COL18A1: variants seen among roughly 807,000 people sequenced by gnomAD.
COL18A1 encodes collagen alpha-1(XVIII) chain.
In COL18A1, 133 loss-of-function variants were observed where a neutral mutation model predicts 168.0. That is an observed-to-expected ratio of 0.79 (90% CI 0.69 to 0.91). COL18A1 has a LOEUF of 0.91. COL18A1 is among the 40% of genes least tolerant of loss of function. The probability of loss-of-function intolerance (pLI) is 0.00; values close to 1 mark genes in which losing one functional copy is unlikely to be tolerated. For missense variants in COL18A1, 2,126 were observed against 1,925.4 expected, an observed-to-expected ratio of 1.10 and a Z score of -1.95; for synonymous variants, 949 against 809.0, an observed-to-expected ratio of 1.17 and a Z score of -2.94.
intron 2 of COL18A1, among the ~76,000 whole-genome samples, chr21:45,415,336 A>C (rs954066545): frequency 6.6e-6 from 1 of 152,222 alleles, no homozygotes; most frequent in Non-Finnish European, 1.5e-5. Flanking sequence ...GGAGACTTAA[A>C]GATGAGTCCT....
At chr21:45,484,651 CTT>C (rs1317693367) in intron 15 of COL18A1, among the ~76,000 whole-genome samples, 2 of 148,474 alleles carry the variant, frequency 1.3e-5, no homozygotes, top group African/African-American at 4.9e-5. Context: ...ACACGCATCT[CTT>C]ATGTGCACAT....
At chr21:45,435,305 G>A (rs1369934450) in intron 2 of COL18A1, among the ~76,000 whole-genome samples, 1 of 127,452 alleles carries the variant, frequency 7.8e-6, no homozygotes, top group Non-Finnish European at 1.7e-5. Context: ...GGAAGGTGGG[G>A]TGGGGGTGGG....
At position 45,495,060 on chromosome 21, in the gene COL18A1, C is replaced by G. The variant is rs866681794; in HGVS notation, c.2433+145C>G. On this transcript the variant is annotated intron_variant, in intron 28 of 41. Transcript: ENST00000651438. ...CCCCCAAGAACCGGCCCTGCCTGAG[C>G]GCAGCTCTTGTCCTGGATGTGGCTG... The G allele has an allele frequency of 3.9e-6, 3 of 760,386 alleles. No individual in the cohort carries two copies. The East Asian group carries it at 8.1e-5, about 20-fold the overall frequency. The allele number at this position is 760,386 out of a possible 1,614,324, so 47.1% of individuals were successfully genotyped here.
intron 27 of COL18A1, 47 bp downstream of exon 27, chr21:45,494,618 C>A (rs748155225): frequency 6.2e-7 from 1 of 1,611,502 alleles, no homozygotes; most frequent in South Asian, 1.1e-5. Context: ...GGCATGACGG[C>A]CCCCAAGGAC....
At position 45,443,835 on chromosome 21, in the gene COL18A1, C is replaced by T. The variant is rs1262205924; in HGVS notation, c.107-24407C>T. Among the ~76,000 whole-genome samples the T allele has an allele frequency of 6.6e-6, 1 of 152,214 alleles. No homozygotes were observed. The highest frequency in any genetic ancestry group is 2.4e-5 in the African/African-American group (1 of 41,444). On this transcript the variant is annotated intron_variant, in intron 2 of 41. Transcript: ENST00000651438. The surrounding 1 kb of genome is among the most constrained non-coding windows in gnomAD (Gnocchi z 5.2). Reference sequence around the variant, plus strand: ...CTGCAGCACTAAGGAGAGATGCCTGCTGCATGATCCCCTAGATGCGTCCGA... The same window carrying T: ...CTGCAGCACTAAGGAGAGATGCCTGTTGCATGATCCCCTAGATGCGTCCGA...
intron 5 of COL18A1, 72 bp downstream of exon 5, chr21:45,475,607 C>A: frequency 7.7e-7 from 1 of 1,293,128 alleles, no homozygotes; most frequent in Non-Finnish European, 1.1e-6. Flanking sequence ...TGGGGTGACA[C>A]ATGTGCACAC....
At chr21:45,439,303 C>T (rs765051890) in intron 2 of COL18A1, among the ~76,000 whole-genome samples, 1 of 152,210 alleles carries the variant, frequency 6.6e-6, no homozygotes, top group Non-Finnish European at 1.5e-5. Context: ...GCGCGGAGGG[C>T]GCAGCGCGTT....
intron 18 of COL18A1, among the ~76,000 whole-genome samples, chr21:45,489,282 C>CCCGG (rs2036218005): frequency 6.6e-6 from 1 of 152,230 alleles, no homozygotes; most frequent in African/African-American, 2.4e-5. Flanking sequence ...CCGCAGCCGT[C>CCCGG]CCGGCCGGGT....
intron 2 of COL18A1, among the ~76,000 whole-genome samples, chr21:45,452,968 GTA>G (rs1417754074): frequency 2.6e-5 from 4 of 151,964 alleles, no homozygotes; most frequent in African/African-American, 4.8e-5. Flanking sequence ...GTGACCTTGT[GTA>G]TGCATGAGTA....
At chr21:45,488,474 G>A in intron 18 of COL18A1, 30 bp downstream of exon 18, 2 of 1,613,836 alleles carry the variant, frequency 1.2e-6, no homozygotes, top group Non-Finnish European at 1.7e-6. Flanking sequence ...GGGTTTCTGT[G>A]GTTGCTGGCT....
chr21:45,496,223 C>T (rs2036538864), intron 29 of COL18A1: 1 of 648,996 alleles, frequency 1.5e-6, no homozygotes, highest in Admixed American at 2.1e-5. Context: ...GGGGCATTTT[C>T]AGTCACCTTT....
At chr21:45,448,048 TC>T (rs2034541057) in intron 2 of COL18A1, among the ~76,000 whole-genome samples, 1 of 152,162 alleles carries the variant, frequency 6.6e-6, no homozygotes, top group African/African-American at 2.4e-5. Flanking sequence ...AAGCATTTCT[TC>T]CCACCCTCTG....
At chr21:45,413,799 G>T (rs2033367364) in intron 2 of COL18A1, among the ~76,000 whole-genome samples, 1 of 152,228 alleles carries the variant, frequency 6.6e-6, no homozygotes, top group Non-Finnish European at 1.5e-5. Flanking sequence ...AGAGGCTAGA[G>T]GCAGGGTAGA....
intron 2 of COL18A1, among the ~76,000 whole-genome samples, chr21:45,418,270 C>T (rs1029640833): frequency 7.9e-5 from 12 of 152,210 alleles, no homozygotes; most frequent in Non-Finnish European, 1.3e-4. Context: ...TCCCGGCCCC[C>T]GGCTGCCGAA....
At chr21:45,508,659 G>GGGCT (rs930504819) in intron 38 of COL18A1, among the ~76,000 whole-genome samples, 4 of 152,206 alleles carry the variant, frequency 2.6e-5, no homozygotes, top group Non-Finnish European at 5.9e-5. Flanking sequence ...GCAGTGTCAG[G>GGGCT]GGCTCCACAG....
intron 2 of COL18A1, among the ~76,000 whole-genome samples, chr21:45,465,808 C>T (rs139995894): frequency 2.6e-4 from 40 of 152,290 alleles, no homozygotes; most frequent in African/African-American, 9.6e-4. Context: ...TGAGCACAGG[C>T]GGGCGTCCGT....
chr21:45,508,159 ATAGG>A (rs1489524352), intron 38 of COL18A1, among the ~76,000 whole-genome samples: 1 of 142,412 alleles, frequency 7.0e-6, no homozygotes. Flanking sequence ...GGGTGAGTGG[ATAGG>A]TAGGTAGCTG....
In COL18A1 at chr21:45,471,004, G is replaced by A. The variant is rs2035405366; in HGVS notation, c.651+2218G>A. Among the ~76,000 whole-genome samples the A allele has an allele frequency of 3.4e-5, 5 of 147,048 alleles. No homozygotes were observed. The South Asian group carries it at 1.1e-3, about 31-fold the overall frequency. ...CGCGCTACAGGCTTCGTGCTGCTGG[G>A]CCTGGGTGGCGTGCTACGGGCTTGT... On this transcript the variant is annotated intron_variant, in intron 3 of 41. Transcript: ENST00000651438. This position sits in a 1 kb window ranked among gnomAD's most constrained non-coding sequence, Gnocchi z 4.4.
intron 2 of COL18A1, among the ~76,000 whole-genome samples, chr21:45,411,759 C>CGGGG: frequency 1.3e-4 from 1 of 7,578 alleles, no homozygotes; most frequent in East Asian, 2.7e-3. Context: ...GGGCTGATGG[C>CGGGG]GGGGGGTGGG....
Sources: gnomAD v4.1 joint callset for allele counts (sites outside exome capture counted in the v4.1 genomes callset) on GRCh38, gnomAD v4.1.1 for gene constraint, Gnocchi (gnomAD v3.1) non-coding constraint, MANE v1.5 for transcripts, NCBI Gene and HGNC (gene_info 2026-07-23, HGNC 2026-07-21) for gene names.